PDZD2: variants seen among roughly 807,000 people sequenced by gnomAD.
PDZD2 encodes PDZ domain containing 2.
In PDZD2, 90 loss-of-function variants were observed where a neutral mutation model predicts 220.7. The observed-to-expected ratio is 0.41, with a 90% CI of 0.34 to 0.49. The LOEUF (loss-of-function observed/expected upper bound fraction) is 0.49. PDZD2 is among the 20% of genes least tolerant of loss of function. The pLI, the probability that PDZD2 is intolerant of heterozygous loss-of-function variation, is 0.28. For missense variants in PDZD2, 3,174 were observed against 3,608.5 expected (o/e 0.88, Z 3.08); for synonymous variants, 1,375 against 1,450.5 (o/e 0.95, Z 1.18).
At chr5:31,725,922 G>C in intron 1 of PDZD2, 1 of 681,814 alleles carries the variant, frequency 1.5e-6, no homozygotes, top group Middle Eastern at 4.2e-4. Context: ...CGTTCCTCCA[G>C]CTGCCTGGGT....
chr5:31,907,520 A>G (rs776404751), intron 2 of PDZD2, among the ~76,000 whole-genome samples: 1 of 152,216 alleles, frequency 6.6e-6, no homozygotes, highest in Non-Finnish European at 1.5e-5. Context: ...TCTGGTTAAT[A>G]CACCCATCTG....
chr5:32,058,445 G>C (rs936504606), intron 12 of PDZD2, among the ~76,000 whole-genome samples: 1 of 151,320 alleles, frequency 6.6e-6, no homozygotes, highest in Non-Finnish European at 1.5e-5. Context: ...GAGGCAGGTA[G>C]ATCACCTGAG....
chr5:31,981,076 G>A (rs777821232), intron 2 of PDZD2, among the ~76,000 whole-genome samples: 16 of 152,060 alleles, frequency 1.1e-4, no homozygotes, highest in African/African-American at 3.1e-4. Flanking sequence ...ATGAGCCACC[G>A]CACCTGGCCT....
intron 1 of PDZD2, among the ~76,000 whole-genome samples, chr5:31,712,302 T>C (rs1748160585): frequency 6.6e-6 from 1 of 152,158 alleles, no homozygotes; most frequent in Non-Finnish European, 1.5e-5. Flanking sequence ...GGTGGGGCAG[T>C]TCCCTGCCTC....
intron 1 of PDZD2, among the ~76,000 whole-genome samples, chr5:31,752,089 T>TTTTTTTTTTTTTTG (rs1169621744): frequency 5.0e-5 from 7 of 141,102 alleles, no homozygotes; most frequent in African/African-American, 1.4e-4. Flanking sequence ...TTTTTTTTTT[T>TTTTTTTTTTTTTTG]TCTGAGACAA....
rs986572569 is a variant in PDZD2, at chr5:32,109,585, T to TAA, written c.*1452_*1453dup. On this transcript the variant is annotated 3_prime_UTR_variant, in exon 25 of 25. Transcript: ENST00000438447. ...GGAGGAGAAACAGGGTGAGTCAAGG[T>TAA]AAAGGAGCAGAAATGTAGTTACAAG... The TAA allele has an allele frequency of 3.9e-5, 6 of 152,110 alleles. No individual in the cohort carries two copies. Among genetic ancestry groups the TAA allele is most frequent in the Non-Finnish European group, 5.9e-5 (4 of 68,044 alleles). The allele number at this position is 152,110 out of a possible 1,614,324, so 9.4% of individuals were successfully genotyped here. A position where few individuals can be genotyped will look rare whatever the true frequency, so the allele number is the denominator to read the frequency against.
In PDZD2 at chr5:32,087,973, C is replaced by T; in HGVS notation, c.4525C>T (p.Pro1509Ser). Reference sequence around the variant, plus strand: ...GCCTTCGGTTTTAGATTCAATTAATCCCGACAAACATTTTACTGTGAACAA... The same window carrying T: ...GCCTTCGGTTTTAGATTCAATTAATTCCGACAAACATTTTACTGTGAACAA... ...SQPSVLDSIN[P>S]DKHFTVNKNF... The change falls in exon 20 of 25, where the codon CCC becomes TCC. Residue 1509 changes from proline (P) to serine (S), a missense_variant. This residue lies in a region of PDZD2 where 1,861 missense variants were observed against 2,001.0 expected (regional missense o/e 0.93). Transcript: ENST00000438447. The surrounding 1 kb of genome is among the most constrained non-coding windows in gnomAD (Gnocchi z 4.0). The T allele has an allele frequency of 6.2e-7, 1 of 1,614,152 alleles. No homozygotes were observed. The highest frequency in any genetic ancestry group is 8.5e-7 in the Non-Finnish European group (1 of 1,179,974).
intron 23 of PDZD2, chr5:32,100,656 A>C (rs1744167541): frequency 5.5e-6 from 2 of 363,298 alleles, no homozygotes; most frequent in Non-Finnish European, 5.4e-6. Context: ...GAGACTGGGC[A>C]TTTTGGTGCT....
At position 31,646,803 on chromosome 5, in the gene PDZD2, T is replaced by C. The variant is rs1745152228; in HGVS notation, c.-361+7366T>C. On this transcript the variant is annotated intron_variant, in intron 1 of 24. Coordinates refer to ENST00000438447, the MANE Select transcript of PDZD2 (RefSeq NM_178140.4). The surrounding 1 kb of genome is among the most constrained non-coding windows in gnomAD (Gnocchi z 4.7). ...TTTGCCACTGCCCACTCTCCACTCCTACCCCGCCCTGGCCACCTTAATTCC... is the reference window on the plus strand; with the variant it reads ...TTTGCCACTGCCCACTCTCCACTCCCACCCCGCCCTGGCCACCTTAATTCC... 6.6e-6 allele frequency among the ~76,000 whole-genome samples: 1 copy of C among 152,154 alleles called. No individual in the cohort carries two copies. The highest frequency in any genetic ancestry group is 2.4e-5 in the African/African-American group (1 of 41,448).
intron 2 of PDZD2, among the ~76,000 whole-genome samples, chr5:31,888,428 G>C (rs1022840669): frequency 1.3e-5 from 2 of 152,198 alleles, no homozygotes; most frequent in Admixed American, 1.3e-4. Context: ...CTGACCTCAG[G>C]TGATCTGCCT....
intron 2 of PDZD2, among the ~76,000 whole-genome samples, chr5:31,840,301 G>C (rs964930929): frequency 6.6e-6 from 1 of 150,502 alleles, no homozygotes; most frequent in Non-Finnish European, 1.5e-5. Context: ...CTTTGACTGG[G>C]GGGGAAGAAA....
rs748858531 is a variant in PDZD2 at position 32,087,864 on chromosome 5, C to T, written c.4416C>T (p.Ala1472=). The T allele has an allele frequency of 5.6e-5, 91 of 1,611,760 alleles. 3 individuals are homozygous for T. The Middle Eastern group carries it at 9.9e-4, about 17-fold the overall frequency. Residue 1472 remains alanine, a synonymous_variant, in exon 20 of 25, where the codon GCC becomes GCT. Transcript: ENST00000438447. This position sits in a 1 kb window ranked among gnomAD's most constrained non-coding sequence, Gnocchi z 4.0. ...AGAGGGSSCR[A]EPVPGGQTSS... is the part of the protein sequence containing the mutation. Reference sequence around the variant, plus strand: ...CTGGAGGTGGGAGCTCCTGCCGTGCCGAACCAGTCCCGGGGGGCCAGACCT... The same window carrying T: ...CTGGAGGTGGGAGCTCCTGCCGTGCTGAACCAGTCCCGGGGGGCCAGACCT...
At chr5:31,928,014 G>A (rs1367504213) in intron 2 of PDZD2, among the ~76,000 whole-genome samples, 2 of 152,132 alleles carry the variant, frequency 1.3e-5, no homozygotes, top group African/African-American at 4.8e-5. Context: ...CTGAGAATAT[G>A]TAAGGAGGAA....
At chr5:31,959,533 A>C (rs991821807) in intron 2 of PDZD2, among the ~76,000 whole-genome samples, 2 of 151,530 alleles carry the variant, frequency 1.3e-5, no homozygotes, top group Non-Finnish European at 2.9e-5. Context: ...TAATTTTTGT[A>C]TTTTTAGTAG....
At position 31,799,083 on chromosome 5, in the gene PDZD2, C is replaced by T. The variant is rs776865732; in HGVS notation, c.-166C>T. The T allele has an allele frequency of 2.3e-4, 134 of 584,486 alleles. No homozygotes were observed. The highest frequency in any genetic ancestry group is 8.4e-4 in the South Asian group (37 of 44,214). The allele number at this position is 584,486 out of a possible 1,614,324, so 36.2% of individuals were successfully genotyped here. A position where few individuals can be genotyped will look rare whatever the true frequency, so the allele number is the denominator to read the frequency against. ...GGGTCCTAGCTTCCTCCTGCCAAGGCAAACAGCATAGTCTCGAGTAGGTGT... is the reference window on the plus strand; with the variant it reads ...GGGTCCTAGCTTCCTCCTGCCAAGGTAAACAGCATAGTCTCGAGTAGGTGT... On this transcript the variant is annotated 5_prime_UTR_variant, in exon 2 of 25. Transcript: ENST00000438447.
chr5:31,938,034 G>A (rs112048808), intron 2 of PDZD2, among the ~76,000 whole-genome samples: 208 of 152,280 alleles, frequency 1.4e-3, no homozygotes, highest in African/African-American at 4.6e-3. Flanking sequence ...AAGCCTATCC[G>A]ATCTTTAGAA....
intron 1 of PDZD2, among the ~76,000 whole-genome samples, chr5:31,649,336 T>C (rs1167430637): frequency 6.6e-6 from 1 of 151,976 alleles, no homozygotes; most frequent in African/African-American, 2.4e-5. Context: ...CCTGACATGC[T>C]GTACTTCTTT....
At chr5:32,101,003 C>A in intron 23 of PDZD2, 102 bp from the exon 24 acceptor site, 1 of 1,592,134 alleles carries the variant, frequency 6.3e-7, no homozygotes, top group South Asian at 1.1e-5. Flanking sequence ...TTGAGTGTGC[C>A]AGAAGTACAT....
At chr5:31,906,769 G>A (rs2150363342) in intron 2 of PDZD2, among the ~76,000 whole-genome samples, 1 of 152,254 alleles carries the variant, frequency 6.6e-6, no homozygotes, top group African/African-American at 2.4e-5. Flanking sequence ...CTTGAACCCA[G>A]CAGGCGGAAG....
Sources: gnomAD v4.1 joint callset for allele counts (sites outside exome capture counted in the v4.1 genomes callset) on GRCh38, gnomAD v4.1.1 for gene constraint, gnomAD v4.1.1 regional missense constraint, Gnocchi (gnomAD v3.1) non-coding constraint, MANE v1.5 for transcripts, NCBI Gene and HGNC (gene_info 2026-07-23, HGNC 2026-07-21) for gene names.